Variants in DARS1 observed in about 807,000 individuals in gnomAD.
DARS1 encodes aspartyl-tRNA synthetase 1.
In DARS1, 51 loss-of-function variants were observed where a neutral mutation model predicts 68.8. The ratio of observed to expected loss-of-function variants is 0.74; its 90% CI spans 0.59 to 0.94. DARS1 has a LOEUF of 0.94. Ranked by LOEUF, DARS1 falls within the 40% of genes least tolerant of loss-of-function variation. The pLI, the probability that DARS1 is intolerant of heterozygous loss-of-function variation, is 0.00. For missense variants in DARS1, 607 were observed against 597.3 expected, an observed-to-expected ratio of 1.02 and a Z score of -0.17; for synonymous variants, 203 against 190.4, an observed-to-expected ratio of 1.07 and a Z score of -0.55.
At chr2:135,951,228 T>C (rs1178304320) in intron 4 of DARS1, among the ~76,000 whole-genome samples, 2 of 152,222 alleles carry the variant, frequency 1.3e-5, no homozygotes, top group Non-Finnish European at 1.5e-5. Context: ...CCTTCTTCTT[T>C]GCTAAAGGGG....
chr2:135,952,463 T>C (rs1043609321), intron 4 of DARS1, among the ~76,000 whole-genome samples: 1 of 152,200 alleles, frequency 6.6e-6, no homozygotes, highest in African/African-American at 2.4e-5. Flanking sequence ...ATATGCAATA[T>C]TGTTAACCAT....
At chr2:135,928,969 T>TA (rs1681284518) in intron 7 of DARS1, among the ~76,000 whole-genome samples, 1 of 152,216 alleles carries the variant, frequency 6.6e-6, no homozygotes, top group Non-Finnish European at 1.5e-5. Context: ...CAATTGCTAT[T>TA]ATATTACATA....
chr2:135,985,604 T>G lies in DARS1; in HGVS notation c.-136A>C. 6.6e-7 allele frequency: 1 copy of G among 1,525,298 alleles called. No individual in the cohort carries two copies. Among genetic ancestry groups the G allele is most frequent in the Non-Finnish European group, 8.8e-7 (1 of 1,131,040 alleles). 94.5% of individuals were successfully genotyped at this position (1,525,298 alleles called of 1,614,324 possible). ...TCAGCACACGCGCTCGGACTCCGCG[T>G]GGAGGTGCGGCTCCAGAAAGATCGC... On this transcript the variant is annotated 5_prime_UTR_variant, in exon 1 of 16. Coordinates refer to ENST00000264161, the MANE Select transcript of DARS1 (RefSeq NM_001349.4).
intron 3 of DARS1, among the ~76,000 whole-genome samples, chr2:135,975,913 C>T (rs1682487624): frequency 6.6e-6 from 1 of 152,124 alleles, no homozygotes; most frequent in African/African-American, 2.4e-5. Context: ...TGCCTCACTG[C>T]ACTCCAGCCT....
At chr2:135,962,131 T>C (rs187100983) in intron 3 of DARS1, among the ~76,000 whole-genome samples, 2 of 152,336 alleles carry the variant, frequency 1.3e-5, no homozygotes, top group East Asian at 1.9e-4. Flanking sequence ...AAATAACTTA[T>C]ATTGTCTATT....
At chr2:135,962,958 C>A (rs897322244) in intron 3 of DARS1, among the ~76,000 whole-genome samples, 3 of 152,180 alleles carry the variant, frequency 2.0e-5, no homozygotes, top group African/African-American at 7.2e-5. Context: ...ATAATGTAGT[C>A]AGAGTGTATT....
At chr2:135,932,900 CAA>C (rs1329326738) in intron 6 of DARS1, 58 bp from the exon 7 acceptor site, 132 of 802,778 alleles carry the variant, frequency 1.6e-4, no homozygotes, top group Non-Finnish European at 1.7e-4. Flanking sequence ...TTGAAGAGCA[CAA>C]AAAATACTTT....
At chr2:135,977,530 A>G (rs1330264432) in intron 3 of DARS1, among the ~76,000 whole-genome samples, 1 of 152,222 alleles carries the variant, frequency 6.6e-6, no homozygotes, top group East Asian at 1.9e-4. Context: ...AAAGTGCCCC[A>G]TTTGGACAGA....
intron 5 of DARS1, among the ~76,000 whole-genome samples, chr2:135,937,810 A>G (rs1392382764): frequency 2.0e-5 from 3 of 152,226 alleles, no homozygotes; most frequent in Non-Finnish European, 2.9e-5. Context: ...AGAATGATGA[A>G]TATTGGCCCC....
intron 7 of DARS1, among the ~76,000 whole-genome samples, chr2:135,925,494 G>A (rs1333646706): frequency 6.6e-6 from 1 of 152,090 alleles, no homozygotes; most frequent in Admixed American, 6.6e-5. Flanking sequence ...ACTGTTAATG[G>A]AATGATTACA....
At chr2:135,954,539 A>C (rs1240491254) in intron 4 of DARS1, among the ~76,000 whole-genome samples, 1 of 152,128 alleles carries the variant, frequency 6.6e-6, no homozygotes, top group Non-Finnish European at 1.5e-5. Context: ...CAACTGGGGA[A>C]GATGCTGGTG....
At chr2:135,985,193 A>T (rs1682746683) in intron 1 of DARS1, 1 of 745,694 alleles carries the variant, frequency 1.3e-6, no homozygotes, top group Admixed American at 3.1e-5. Flanking sequence ...AGTAGGCCAA[A>T]CTCCCAGGTG....
At chr2:135,934,081 A>C (rs1425068124) in intron 5 of DARS1, 91 bp from the exon 6 acceptor site, 1 of 1,511,028 alleles carries the variant, frequency 6.6e-7, no homozygotes, top group Non-Finnish European at 8.9e-7. Flanking sequence ...TTAAGCATGA[A>C]GCAATGTTTG....
At chr2:135,929,774 T>C (rs906213363) in intron 7 of DARS1, among the ~76,000 whole-genome samples, 4 of 152,242 alleles carry the variant, frequency 2.6e-5, no homozygotes, top group African/African-American at 7.2e-5. Context: ...AGATGGGCTA[T>C]TGATATTATC....
At chr2:135,935,541 A>C (rs1681449713) in intron 5 of DARS1, among the ~76,000 whole-genome samples, 1 of 152,102 alleles carries the variant, frequency 6.6e-6, no homozygotes, top group African/African-American at 2.4e-5. Context: ...TGGAGGTTGC[A>C]ATGAGCCGAG....
chr2:135,934,985 T>C (rs1385462219), intron 5 of DARS1, among the ~76,000 whole-genome samples: 2 of 151,798 alleles, frequency 1.3e-5, no homozygotes, highest in East Asian at 4.0e-4. Context: ...GAGACAGCAT[T>C]TCGCTATGTT....
chr2:135,908,528 C>T (rs964583866), intron 15 of DARS1, among the ~76,000 whole-genome samples: 14 of 152,178 alleles, frequency 9.2e-5, no homozygotes, highest in African/African-American at 3.4e-4. Context: ...AAAATTCCCA[C>T]CAACAGTGTA....
In DARS1 at chr2:135,967,640, T is replaced by C. The variant is rs537263402; in HGVS notation, c.218-6142A>G. Among the ~76,000 whole-genome samples the C allele has an allele frequency of 3.7e-3, 563 of 152,288 alleles. 3 individuals carry two copies. Among genetic ancestry groups the C allele is most frequent in the Non-Finnish European group, 3.4e-3 (232 of 68,024 alleles). On this transcript the variant is annotated intron_variant, in intron 3 of 15. Transcript: ENST00000264161. Reference sequence around the variant, plus strand: ...AAACACTGCCCTTAAGGAAAAAATATACAGGCTTTTCTTGTTTTGTTTTTT... The same window carrying C: ...AAACACTGCCCTTAAGGAAAAAATACACAGGCTTTTCTTGTTTTGTTTTTT...
Position 135,922,772 on chromosome 2 carries a change from C to A in DARS1, c.811+12G>T. On this transcript the variant is annotated intron_variant, in intron 9 of 15. Transcript: ENST00000264161. ...AATTAACTTGGATAAAACATAACTGCCAAAATCTTACCTGGTCCAATAGAG... is the reference window on the plus strand; with the variant it reads ...AATTAACTTGGATAAAACATAACTGACAAAATCTTACCTGGTCCAATAGAG... 6.6e-7 allele frequency: 1 copy of A among 1,526,064 alleles called. No individual in the cohort carries two copies. Among genetic ancestry groups the A allele is most frequent in the Non-Finnish European group, 8.7e-7 (1 of 1,144,336 alleles). The allele number at this position is 1,526,064 out of a possible 1,614,324, so 94.5% of individuals were successfully genotyped here. A position where few individuals can be genotyped will look rare whatever the true frequency, so the allele number is the denominator to read the frequency against.
Sources: allele counts gnomAD v4.1 joint callset (sites outside exome capture counted in the v4.1 genomes callset), GRCh38; gene constraint gnomAD v4.1.1; transcripts MANE v1.5; gene names NCBI Gene and HGNC (gene_info 2026-07-23, HGNC 2026-07-21).